Variants in PABIR3 observed in about 807,000 individuals in gnomAD.
The protein encoded by PABIR3 is PABIR family member 1.
In PABIR3, 20 loss-of-function variants were observed where a neutral mutation model predicts 23.1. The observed-to-expected ratio is 0.86, with a 90% CI of 0.61 to 1.26. The LOEUF is 1.26. Ranked by LOEUF, PABIR3 falls within the 50% of genes most tolerant of loss-of-function variation. The pLI is 0.00. For missense variants in PABIR3, 189 were observed against 195.4 expected, an observed-to-expected ratio of 0.97 and a Z score of 0.20; for synonymous variants, 69 against 68.5, an observed-to-expected ratio of 1.01 and a Z score of -0.04.
chrX:134,845,384 G>A lies in PABIR3; in HGVS notation c.328G>A (p.Glu110Lys), dbSNP rs369818916. The change falls in exon 6 of 11, where the codon GAA (glutamate) becomes AAA (lysine). Residue 110 changes from glutamate to lysine, a missense_variant. Coordinates refer to ENST00000645433, the MANE Select transcript of PABIR3 (RefSeq NM_001388447.1). ...TGAGATACAGATAAGTCACTCTTGG[G>A]AAGAAGGCTTGAAACTGGTATGATA... ...QSEIQISHSWEEGLKLNDNGL... is the reference protein window; with the variant it reads ...QSEIQISHSWKEGLKLNDNGL... The A allele has an allele frequency of 7.4e-5, 89 of 1,203,096 alleles. No individual in the cohort carries two copies. The highest frequency in any genetic ancestry group is 9.4e-5 in the Non-Finnish European group (84 of 892,873).
intron 3 of PABIR3, chrX:134,821,193 T>A (rs2081270199): frequency 6.6e-6 from 4 of 609,702 alleles, no homozygotes; most frequent in Non-Finnish European, 9.4e-6. Flanking sequence ...GAGCCATGGG[T>A]TTTTGTGTTG....
chrX:134,810,752 A>G (rs1422666823), intron 2 of PABIR3: 2 of 750,123 alleles, frequency 2.7e-6, no homozygotes, highest in Non-Finnish European at 3.1e-6. Context: ...TTTCTAAACT[A>G]TACCTGGCCA....
intron 4 of PABIR3, 66 bp downstream of exon 4, chrX:134,829,348 A>G (rs1281783590): frequency 2.2e-6 from 2 of 919,951 alleles, no homozygotes; most frequent in Non-Finnish European, 3.1e-6. Flanking sequence ...TCTTTGTGAA[A>G]ATACCTATGT....
intron 2 of PABIR3, among the ~76,000 whole-genome samples, chrX:134,812,353 G>A (rs1409520995): frequency 8.9e-6 from 1 of 111,947 alleles, no homozygotes; most frequent in Non-Finnish European, 1.9e-5. Context: ...GCCCATTAGT[G>A]TCCCTCCAAT....
At chrX:134,850,701 T>A (rs2082602868) in intron 9 of PABIR3, among the ~76,000 whole-genome samples, 1 of 112,336 alleles carries the variant, frequency 8.9e-6, no homozygotes, top group Non-Finnish European at 1.9e-5. Context: ...TTCTTAGAAT[T>A]TATGATTGAA....
At chrX:134,821,604 C>G (rs2081300427) in intron 3 of PABIR3, 1 of 1,133,989 alleles carries the variant, frequency 8.8e-7, no homozygotes, top group African/African-American at 1.8e-5. Context: ...AGCAATTCAT[C>G]TGTTCTAATT....
intron 2 of PABIR3, among the ~76,000 whole-genome samples, chrX:134,813,533 C>T (rs756281751): frequency 8.9e-6 from 1 of 112,195 alleles, no homozygotes; most frequent in South Asian, 3.7e-4. Context: ...GATGATTTCT[C>T]ACATTGGAGG....
chrX:134,842,936 C>T (rs2082287017), intron 4 of PABIR3, among the ~76,000 whole-genome samples: 1 of 109,252 alleles, frequency 9.2e-6, no homozygotes, highest in Non-Finnish European at 1.9e-5. Flanking sequence ...GGCGCCATGG[C>T]TCACACCTGT....
chrX:134,811,217 C>G, intron 2 of PABIR3: 1 of 696,699 alleles, frequency 1.4e-6, no homozygotes, highest in Non-Finnish European at 1.7e-6. Context: ...TACTCTTTAT[C>G]TCTGTAATTG....
At chrX:134,814,884 G>C in intron 3 of PABIR3, 35 bp downstream of exon 3, 1 of 1,047,856 alleles carries the variant, frequency 9.5e-7, no homozygotes, top group Non-Finnish European at 1.3e-6. Flanking sequence ...CCCTGTCTAA[G>C]ACTTGTGCTT....
intron 1 of PABIR3, among the ~76,000 whole-genome samples, chrX:134,802,153 G>A (rs1044430289): frequency 2.7e-5 from 3 of 109,639 alleles, no homozygotes; most frequent in Admixed American, 9.8e-5. Context: ...GTGGGATCTC[G>A]GCTCACTGCA....
At chrX:134,807,742 G>T (rs763606643) in intron 2 of PABIR3, 34 bp downstream of exon 2, 6 of 1,127,666 alleles carry the variant, frequency 5.3e-6, no homozygotes. Context: ...GGAGGCAAGC[G>T]GTGGGGAGGA....
At chrX:134,808,114 C>G in intron 2 of PABIR3, 1 of 297,966 alleles carries the variant, frequency 3.4e-6, no homozygotes, top group Non-Finnish European at 5.9e-6. Flanking sequence ...GCTGCTTTGT[C>G]ACCTCTGACC....
In PABIR3 at chrX:134,821,850, A is replaced by G. The variant is rs187088896; in HGVS notation, c.189+7001A>G. The G allele has an allele frequency of 2.4e-4, 185 of 778,469 alleles. No homozygotes were observed. In the African/African-American group the frequency reaches 3.9e-3, roughly 17 times the overall value. The allele number at this position is 778,469 out of a possible 1,213,427, so 64.2% of individuals were successfully genotyped here. A position where few individuals can be genotyped will look rare whatever the true frequency, so the allele number is the denominator to read the frequency against. Reference sequence around the variant, plus strand: ...AAACACAGTGTACAACCCTTTGTTTAGGATTTTCTGAGCATTTTATCTCTA... The same window carrying G: ...AAACACAGTGTACAACCCTTTGTTTGGGATTTTCTGAGCATTTTATCTCTA... On this transcript the variant is annotated intron_variant, in intron 3 of 10. Coordinates refer to ENST00000645433, the MANE Select transcript of PABIR3 (RefSeq NM_001388447.1).
intron 3 of PABIR3, among the ~76,000 whole-genome samples, chrX:134,827,328 T>C (rs2081551261): frequency 1.8e-5 from 2 of 111,267 alleles, no homozygotes; most frequent in African/African-American, 6.5e-5. Context: ...TCTTACTGCC[T>C]TTCATGGCCA....
At position 134,807,681 on chromosome X, in the gene PABIR3, A is replaced by G. The variant is rs913764456; in HGVS notation, c.83A>G (p.Asn28Ser). ...GACGGCAACATTCTGAGAAGAGTCA[A>G]CAGTGCCCCTTTGATCAATGGACTT... ...TADGNILRRV[N>S]SAPLINGLGF... The change falls in exon 2 of 11, where the codon AAC becomes AGC. Residue 28 changes from asparagine to serine, a missense_variant. Asn to Ser is a conservative substitution (Grantham distance 46, BLOSUM62 1). Transcript: ENST00000645433. 3.3e-6 allele frequency: 4 copies of G among 1,203,918 alleles called. No homozygotes were observed. In the Admixed American group the frequency reaches 8.8e-5, roughly 26 times the overall value.
At chrX:134,808,412 ACT>A (rs2080382694) in intron 2 of PABIR3, among the ~76,000 whole-genome samples, 1 of 94,155 alleles carries the variant, frequency 1.1e-5, no homozygotes, top group Non-Finnish European at 2.1e-5. Context: ...ACGGAGTCTC[ACT>A]CTGTCGCCCA....
chrX:134,818,835 A>G (rs1023351201), intron 3 of PABIR3, among the ~76,000 whole-genome samples: 1 of 110,760 alleles, frequency 9.0e-6, no homozygotes, highest in Non-Finnish European at 1.9e-5. Flanking sequence ...AATCAGTAAT[A>G]GTACATATAG....
chrX:134,861,471 C>T, the PABIR3 span, among the ~76,000 whole-genome samples: 2 of 105,961 alleles, frequency 1.9e-5, no homozygotes, highest in Non-Finnish European at 3.9e-5. Flanking sequence ...AAAGTAGTTG[C>T]GGTTTTTGCC....
Sources: allele counts gnomAD v4.1 joint callset (sites outside exome capture counted in the v4.1 genomes callset), GRCh38; gene constraint gnomAD v4.1.1; transcripts MANE v1.5; gene names NCBI Gene and HGNC (gene_info 2026-07-23, HGNC 2026-07-21).